The following DCC variants were observed in gnomAD, a reference collection of about 807,000 sequenced individuals.
DCC encodes the protein DCC netrin 1 receptor, also known as netrin receptor DCC.
In DCC, 58 loss-of-function variants were observed where a neutral mutation model predicts 172.5. The ratio of observed to expected loss-of-function variants is 0.34; its 90% CI spans 0.27 to 0.42. The LOEUF (loss-of-function observed/expected upper bound fraction) is 0.42, where lower values mean the gene tolerates loss of function less well. Among genes scored for constraint, DCC ranks in the 10% least tolerant of loss-of-function variants. The pLI, the probability that DCC is intolerant of heterozygous loss-of-function variation, is 1.00. For synonymous variants in DCC, 709 were observed against 644.5 expected, an observed-to-expected ratio of 1.10 and a Z score of -1.52; for missense variants, 1,740 against 1,791.0, an observed-to-expected ratio of 0.97 and a Z score of 0.51.
At chr18:52,580,071 T>C (rs558277577) in intron 1 of DCC, among the ~76,000 whole-genome samples, 12 of 152,350 alleles carry the variant, frequency 7.9e-5, no homozygotes, top group African/African-American at 2.9e-4. Flanking sequence ...AGGATAATTT[T>C]CTTCTAGATA....
chr18:53,371,409 G>T (rs1348561378), intron 15 of DCC, among the ~76,000 whole-genome samples: 2 of 151,986 alleles, frequency 1.3e-5, no homozygotes, highest in Non-Finnish European at 2.9e-5. Flanking sequence ...ATTATCACTA[G>T]TCAAAAGCAT....
intron 1 of DCC, among the ~76,000 whole-genome samples, chr18:52,722,639 G>T (rs1599048195): frequency 6.6e-6 from 1 of 152,094 alleles, no homozygotes; most frequent in African/African-American, 2.4e-5. Context: ...AATAATAAAT[G>T]TCCTCCCAAT....
chr18:53,312,403 GCTGA>G (rs1480187329), intron 13 of DCC, among the ~76,000 whole-genome samples: 18 of 148,386 alleles, frequency 1.2e-4, no homozygotes, highest in African/African-American at 4.5e-4. Context: ...AGCTAGAGGA[GCTGA>G]CTAACTCTAG....
intron 23 of DCC, 140 bp downstream of exon 23, chr18:53,450,802 A>G (rs947524391): frequency 1.3e-6 from 1 of 742,424 alleles, no homozygotes; most frequent in East Asian, 2.7e-5. Context: ...CGTTTTGTCT[A>G]TTCCAGGCCT....
At chr18:53,050,516 A>G (rs1224661510) in intron 5 of DCC, among the ~76,000 whole-genome samples, 5 of 151,968 alleles carry the variant, frequency 3.3e-5, no homozygotes, top group African/African-American at 1.2e-4. Flanking sequence ...ATTCCTAGGA[A>G]TTTTATTCTT....
At chr18:52,925,151 G>C (rs2040181760) in intron 4 of DCC, 83 bp from the exon 5 acceptor site, 1 of 1,329,336 alleles carries the variant, frequency 7.5e-7, no homozygotes, top group Non-Finnish European at 1.1e-6. Context: ...TTTGAGCTTT[G>C]GTGGAGGTCA....
At chr18:52,808,128 G>A (rs929614402) in intron 2 of DCC, among the ~76,000 whole-genome samples, 1 of 152,160 alleles carries the variant, frequency 6.6e-6, no homozygotes, top group Non-Finnish European at 1.5e-5. Context: ...CACAAGCTTA[G>A]GTGCCTAATA....
intron 3 of DCC, among the ~76,000 whole-genome samples, chr18:52,908,462 A>G (rs2039922850): frequency 6.6e-6 from 1 of 152,242 alleles, no homozygotes; most frequent in African/African-American, 2.4e-5. Flanking sequence ...TTAATAATGC[A>G]TCTGTTGAGT....
chr18:52,783,252 C>A (rs372675117), intron 2 of DCC, among the ~76,000 whole-genome samples: 2 of 145,370 alleles, frequency 1.4e-5, no homozygotes, highest in Non-Finnish European at 3.0e-5. Flanking sequence ...AGTGGTTTAA[C>A]ACCGATTTAA....
chr18:53,364,552 A>G (rs1198118535), intron 15 of DCC, among the ~76,000 whole-genome samples: 1 of 151,960 alleles, frequency 6.6e-6, no homozygotes, highest in Non-Finnish European at 1.5e-5. Context: ...CACAGAATTC[A>G]AAAATTACAA....
chr18:53,342,070 T>C (rs2057665753), intron 15 of DCC, among the ~76,000 whole-genome samples: 1 of 152,064 alleles, frequency 6.6e-6, no homozygotes, highest in African/African-American at 2.4e-5. Flanking sequence ...ACTTCAAGTA[T>C]CATGGTTGTA....
At chr18:52,785,852 TCTC>T (rs1387243774) in intron 2 of DCC, among the ~76,000 whole-genome samples, 16 of 152,068 alleles carry the variant, frequency 1.1e-4, no homozygotes, top group Non-Finnish European at 1.8e-4. Context: ...CTTTCTAACT[TCTC>T]CTAAGCATCC....
intron 2 of DCC, among the ~76,000 whole-genome samples, chr18:52,812,412 C>T (rs891048173): frequency 6.6e-6 from 1 of 152,142 alleles, no homozygotes; most frequent in South Asian, 2.1e-4. Flanking sequence ...CAAGTATCTT[C>T]AGTACAACCA....
intron 1 of DCC, among the ~76,000 whole-genome samples, chr18:52,350,951 T>A (rs1984093438): frequency 6.6e-6 from 1 of 152,180 alleles, no homozygotes; most frequent in African/African-American, 2.4e-5. Flanking sequence ...CAATTTAGCT[T>A]ACAGCCCAGT....
chr18:53,257,018 G>A (rs1207455916), intron 12 of DCC, among the ~76,000 whole-genome samples: 1 of 152,122 alleles, frequency 6.6e-6, no homozygotes, highest in Non-Finnish European at 1.5e-5. Flanking sequence ...CTGTTTGTCT[G>A]TTATTGGTGT....
intron 2 of DCC, among the ~76,000 whole-genome samples, chr18:52,808,285 A>G (rs1300865147): frequency 2.0e-5 from 3 of 152,150 alleles, no homozygotes; most frequent in East Asian, 3.9e-4. Context: ...TTGTTCCTTC[A>G]TGGTAGACTT....
At chr18:53,367,529 A>G in intron 15 of DCC, among the ~76,000 whole-genome samples, 1 of 152,182 alleles carries the variant, frequency 6.6e-6, no homozygotes, top group African/African-American at 2.4e-5. Context: ...CACATGACAT[A>G]AAATTTATTT....
intron 1 of DCC, among the ~76,000 whole-genome samples, chr18:52,615,785 C>T (rs1324976955): frequency 1.3e-5 from 2 of 151,964 alleles, no homozygotes; most frequent in Admixed American, 1.3e-4. Flanking sequence ...ACTGAAAGGG[C>T]AAAAGTGGTC....
intron 1 of DCC, among the ~76,000 whole-genome samples, chr18:52,720,560 C>T (rs1304219607): frequency 6.6e-6 from 1 of 152,174 alleles, no homozygotes; most frequent in Non-Finnish European, 1.5e-5. Flanking sequence ...CAGTATACAC[C>T]ACCAGGAAGC....
Sources: gnomAD v4.1 joint callset for allele counts (sites outside exome capture counted in the v4.1 genomes callset) on GRCh38, gnomAD v4.1.1 for gene constraint, MANE v1.5 for transcripts, NCBI Gene and HGNC (gene_info 2026-07-23, HGNC 2026-07-21) for gene names.